Variants in WSCD1 observed in about 807,000 individuals in gnomAD.
The protein encoded by WSCD1 is WSC domain sialate O sulfotransferase 1, also known as sialate:O-sulfotransferase 1.
A neutral mutation model predicts 60.4 loss-of-function variants in WSCD1; 41 were observed. The ratio of observed to expected loss-of-function variants is 0.68; its 90% CI spans 0.53 to 0.88. The LOEUF (loss-of-function observed/expected upper bound fraction) is 0.88. Ranked by LOEUF, WSCD1 falls within the 40% of genes least tolerant of loss-of-function variation. The pLI, the probability that WSCD1 is intolerant of heterozygous loss-of-function variation, is 0.00. For synonymous variants in WSCD1, 361 were observed against 332.5 expected (o/e 1.09, Z -0.93); for missense variants, 784 against 796.2 (o/e 0.98, Z 0.18).
At chr17:6,094,080 AC>A (rs1400356220) in intron 4 of WSCD1, among the ~76,000 whole-genome samples, 1 of 152,120 alleles carries the variant, frequency 6.6e-6, no homozygotes, top group Non-Finnish European at 1.5e-5. Flanking sequence ...GCCCTGGGAG[AC>A]CCCGTGTAGA....
At position 6,120,494 on chromosome 17, in the gene WSCD1, G is replaced by A; in HGVS notation, c.1561G>A (p.Glu521Lys). 6.2e-7 allele frequency: 1 copy of A among 1,613,946 alleles called. No individual in the cohort carries two copies. Among genetic ancestry groups the A allele is most frequent in the Non-Finnish European group, 8.5e-7 (1 of 1,180,018 alleles). The change falls in exon 9 of 9, where the codon GAG becomes AAG. Residue 521 changes from glutamate to lysine, a missense_variant. Glu to Lys is a moderately conservative substitution (Grantham distance 56). Transcript: ENST00000317744. ...GAGCGAGGAGCGGCTGCTCTGCGTG[G>A]AGAACAACAAGGAGGGCAGCTTCCG... ...SVSEERLLCV[E>K]NNKEGSFRRR...
At chr17:6,093,404 C>G (rs1910184709) in intron 4 of WSCD1, among the ~76,000 whole-genome samples, 1 of 152,212 alleles carries the variant, frequency 6.6e-6, no homozygotes, top group African/African-American at 2.4e-5. Flanking sequence ...TAGCTTCCCC[C>G]CAGGAGCTGT....
Position 6,118,007 on chromosome 17 carries a change from C to T in WSCD1, c.1194C>T (p.Asp398=). 6.2e-7 allele frequency: 1 copy of T among 1,613,928 alleles called. No homozygotes were observed. Among genetic ancestry groups the T allele is most frequent in the African/African-American group, 1.3e-5 (1 of 75,038 alleles). The part of the protein sequence containing the change: ...LYNKGFKGEK[D]HWRSRRTICV... ...CTGCAGGGTTCAAGGGCGAAAAGGA[C>T]CACTGGCGGAGCCGACGCACCATCT... The change falls in exon 8 of 9, where the codon GAC becomes GAT. Residue 398 remains aspartate, a synonymous_variant. Transcript: ENST00000317744. This position sits in a 1 kb window ranked among gnomAD's most constrained non-coding sequence, Gnocchi z 5.8.
intron 5 of WSCD1, among the ~76,000 whole-genome samples, chr17:6,097,889 A>G (rs1910544992): frequency 6.6e-6 from 1 of 151,264 alleles, no homozygotes; most frequent in African/African-American, 2.4e-5. Context: ...CATTTTAGGC[A>G]GATGCCTCAG....
At chr17:6,115,707 G>A (rs1240725497) in intron 7 of WSCD1, among the ~76,000 whole-genome samples, 2 of 151,944 alleles carry the variant, frequency 1.3e-5, no homozygotes, top group African/African-American at 2.4e-5. Flanking sequence ...CGATTCTCCT[G>A]TCTCAGCCTC....
rs560772475 is a variant in WSCD1, at chr17:6,120,460, C to T, written c.1527C>T (p.Asn509=). 8.5e-5 allele frequency: 138 copies of T among 1,614,052 alleles called. 2 individuals are homozygous for T. The South Asian group carries it at 1.1e-3, about 13-fold the overall frequency. The change falls in exon 9 of 9, where the codon AAC becomes AAT. Residue 509 remains asparagine, a synonymous_variant. Coordinates refer to ENST00000317744, the MANE Select transcript of WSCD1 (RefSeq NM_015253.2). Reference sequence around the variant, plus strand: ...TACGGGAGATGGTGGCCTTCCTCAACGTGTCTGTGAGCGAGGAGCGGCTGC... The same window carrying T: ...TACGGGAGATGGTGGCCTTCCTCAATGTGTCTGTGAGCGAGGAGCGGCTGC... The part of the protein sequence containing the change: ...PTLREMVAFL[N]VSVSEERLLC...
chr17:6,100,847 G>T (rs1910756114), intron 5 of WSCD1, among the ~76,000 whole-genome samples: 1 of 152,208 alleles, frequency 6.6e-6, no homozygotes, highest in Non-Finnish European at 1.5e-5. Flanking sequence ...ATGCCAGGCA[G>T]CCATGCCCAG....
intron 5 of WSCD1, among the ~76,000 whole-genome samples, chr17:6,096,969 G>A (rs79026262): frequency 0.031 from 4,787 of 152,348 alleles, 130 homozygotes; most frequent in African/African-American, 0.072. Context: ...CCTCCCAGTA[G>A]CTCCCAATGG....
rs1188801250 is a variant in WSCD1 at position 6,075,580 on chromosome 17, T to G, written c.-288-4791T>G. 6.6e-6 allele frequency among the ~76,000 whole-genome samples: 1 copy of G among 152,192 alleles called. No homozygotes were observed. Among genetic ancestry groups the G allele is most frequent in the African/African-American group, 2.4e-5 (1 of 41,440 alleles). ...TGAATATCCAGGTGCTCTGGGCTCCTGCTCCCTCCCTGAGACTTCCAGAAG... is the reference window on the plus strand; with the variant it reads ...TGAATATCCAGGTGCTCTGGGCTCCGGCTCCCTCCCTGAGACTTCCAGAAG... On this transcript the variant is annotated intron_variant, in intron 1 of 8. Coordinates refer to ENST00000317744, the MANE Select transcript of WSCD1 (RefSeq NM_015253.2). This position sits in a 1 kb window ranked among gnomAD's most constrained non-coding sequence, Gnocchi z 4.1.
intron 5 of WSCD1, among the ~76,000 whole-genome samples, chr17:6,102,885 A>C (rs1910883546): frequency 6.6e-6 from 1 of 152,086 alleles, no homozygotes; most frequent in Non-Finnish European, 1.5e-5. Context: ...TTGAAAATAA[A>C]CCTTTGAGCC....
chr17:6,102,475 T>C (rs1910863539), intron 5 of WSCD1, among the ~76,000 whole-genome samples: 1 of 152,262 alleles, frequency 6.6e-6, no homozygotes, highest in African/African-American at 2.4e-5. Flanking sequence ...ATAAAAAGTC[T>C]GTGGTAAACC....
At chr17:6,077,848 G>A (rs1320446651) in intron 1 of WSCD1, 1 of 152,152 alleles carries the variant, frequency 6.6e-6, no homozygotes, top group Non-Finnish European at 1.5e-5. Context: ...CAGGATTAAT[G>A]TGCTCCCTAG....
chr17:6,076,964 G>A (rs1176118215), intron 1 of WSCD1, among the ~76,000 whole-genome samples: 3 of 152,192 alleles, frequency 2.0e-5, no homozygotes, highest in African/African-American at 4.8e-5. Context: ...GGAGATAAAC[G>A]AGGTGTGGTC....
chr17:6,088,112 C>G lies in WSCD1; in HGVS notation c.542+8C>G, dbSNP rs759574259. 3 of 1,611,706 alleles carry G rather than the reference C, an allele frequency of 1.9e-6. No individual in the cohort carries two copies. The South Asian group carries it at 3.3e-5, about 18-fold the overall frequency. On this transcript the variant is annotated splice_region_variant and intron_variant, in intron 3 of 8. Transcript: ENST00000317744. ...GGATGCGTGTGCTGAGCGGTGAGTG[C>G]TGGGGCCCTGGACTGTTGATTCTAG...
rs11868551 is a variant in WSCD1, at chr17:6,122,152, C to T, written c.*1491C>T. On this transcript the variant is annotated 3_prime_UTR_variant, in exon 9 of 9. Coordinates refer to ENST00000317744, the MANE Select transcript of WSCD1 (RefSeq NM_015253.2). ...GGGTGAGGGATCTGGGAGAGCAGGA[C>T]GTTGAGATATCCTGACCCTCTGCTT... 24,255 of 152,412 alleles carry T rather than the reference C, an allele frequency of 0.16. 2,317 individuals are homozygous for T. The highest frequency in any genetic ancestry group is 0.32 in the East Asian group (1,666 of 5,158). 9.4% of individuals were successfully genotyped at this position (152,412 alleles called of 1,614,324 possible).
Position 6,080,803 on chromosome 17 carries a change from C to T in WSCD1, c.145C>T (p.Pro49Ser). The change falls in exon 2 of 9, where the codon CCC becomes TCC. Residue 49 changes from proline to serine, a missense_variant. By Grantham distance (74) the Pro-to-Ser change is moderately conservative. Transcript: ENST00000317744. This position sits in a 1 kb window ranked among gnomAD's most constrained non-coding sequence, Gnocchi z 6.6. ...RVALPQGPRA[P>S]GPLQTLPVAA... ...GGCTCTCCCACAGGGCCCCCGGGCA[C>T]CCGGCCCCCTGCAGACCTTGCCAGT... 1.2e-6 allele frequency: 2 copies of T among 1,609,746 alleles called. No individual in the cohort carries two copies. Among genetic ancestry groups the T allele is most frequent in the Non-Finnish European group, 1.7e-6 (2 of 1,178,652 alleles).
At chr17:6,070,834 C>G (rs1450832909) in intron 1 of WSCD1, among the ~76,000 whole-genome samples, 182 bp downstream of exon 1, 1 of 102,568 alleles carries the variant, frequency 9.7e-6, no homozygotes. Context: ...GCGGCTCGGC[C>G]GGGGCAGGGG....
chr17:6,092,663 A>T (rs1910135288), intron 4 of WSCD1, among the ~76,000 whole-genome samples: 1 of 152,142 alleles, frequency 6.6e-6, no homozygotes, highest in South Asian at 2.1e-4. Flanking sequence ...TTGGTTTCAA[A>T]CAACATTCCT....
At chr17:6,087,538 G>T (rs1909735687) in intron 2 of WSCD1, among the ~76,000 whole-genome samples, 2 of 152,206 alleles carry the variant, frequency 1.3e-5, no homozygotes, top group South Asian at 4.1e-4. Context: ...AATCAAACTT[G>T]CCCTAACTGA....
Sources: allele counts gnomAD v4.1 joint callset (sites outside exome capture counted in the v4.1 genomes callset), GRCh38; gene constraint gnomAD v4.1.1; non-coding constraint Gnocchi (gnomAD v3.1); transcripts MANE v1.5; gene names NCBI Gene and HGNC (gene_info 2026-07-23, HGNC 2026-07-21).